XKR5: variants seen among roughly 807,000 people sequenced by gnomAD.
XKR5 encodes XK-related protein 5.
XKR5 carries 46 observed loss-of-function variants against 40.8 expected under a neutral mutation model. That is an observed-to-expected ratio of 1.13 (90% confidence interval 0.89 to 1.44). The LOEUF is 1.44. XKR5 is among the 40% of genes most tolerant of loss of function. The probability of loss-of-function intolerance (pLI) is 0.00; values close to 1 mark genes in which losing one functional copy is unlikely to be tolerated. For missense variants in XKR5, 1,169 were observed against 844.7 expected (o/e 1.38, Z -4.76); for synonymous variants, 466 against 356.1 (o/e 1.31, Z -3.48).
chr8:6,811,687 C>T lies in XKR5; in HGVS notation c.1572G>A (p.Gly524=), dbSNP rs1322028542. 3 of 1,537,760 alleles carry T rather than the reference C, an allele frequency of 2.0e-6. No individual in the cohort carries two copies. Among genetic ancestry groups the T allele is most frequent in the Non-Finnish European group, 1.7e-6 (2 of 1,147,062 alleles). The change falls in exon 7 of 7, where the codon GGG becomes GGA. Residue 524 remains glycine (G), a synonymous_variant. Coordinates refer to ENST00000618742, the MANE Select transcript of XKR5 (RefSeq NM_207411.5). ...EGADAVSGTQ[G]KGTGGQQRGG... ...CTCTCTGCTGCCCACCTGTCCCCTT[C>T]CCCTGTGTCCCAGAAACAGCGTCAG...
At chr8:6,833,083 C>G (rs1444035797) in intron 1 of XKR5, among the ~76,000 whole-genome samples, 183 bp from the exon 2 acceptor site, 2 of 152,208 alleles carry the variant, frequency 1.3e-5, no homozygotes, top group Non-Finnish European at 2.9e-5. Context: ...AAGGGCCCAG[C>G]CAGGAGCTTG....
At chr8:6,820,268 C>G (rs561247790) in intron 5 of XKR5, among the ~76,000 whole-genome samples, 1 of 152,340 alleles carries the variant, frequency 6.6e-6, no homozygotes, top group African/African-American at 2.4e-5. Context: ...ACACTCGTGC[C>G]ACTGTGGTAG....
In XKR5 at chr8:6,811,785, T is replaced by TG; in HGVS notation, c.1473dup (p.Ser492GlnfsTer6). On this transcript the variant is annotated frameshift_variant, in exon 7 of 7. Coordinates refer to ENST00000618742, the MANE Select transcript of XKR5 (RefSeq NM_207411.5). LOFTEE classifies it low-confidence loss of function (END_TRUNC). ...GTAGGTGCTTCATCCTGCTGATCGC[T>TG]GGCAAAAGATACGTAACTTGAGGTT... The TG allele has an allele frequency of 6.5e-7, 1 of 1,537,676 alleles. No homozygotes were observed. Among genetic ancestry groups the TG allele is most frequent in the South Asian group, 1.2e-5 (1 of 84,058 alleles).
chr8:6,817,905 C>T (rs1376576217), intron 5 of XKR5, among the ~76,000 whole-genome samples: 2 of 152,184 alleles, frequency 1.3e-5, no homozygotes, highest in African/African-American at 2.4e-5. Flanking sequence ...AAGTGACAAG[C>T]GCCAATGAAC....
At position 6,825,150 on chromosome 8, in the gene XKR5, G is replaced by C. The variant is rs755307494; in HGVS notation, c.427+15C>G. 12 of 1,613,162 alleles carry C rather than the reference G, an allele frequency of 7.4e-6. No homozygotes were observed. The African/African-American group carries it at 1.5e-4, about 20-fold the overall frequency. ...GCAGTCAGACAGTCTGTGCTCTGTG[G>C]TGACAGTTACTCACCTGGCACAATA... On this transcript the variant is annotated intron_variant, in intron 3 of 6. Coordinates refer to ENST00000618742, the MANE Select transcript of XKR5 (RefSeq NM_207411.5).
intron 6 of XKR5, 105 bp from the exon 7 acceptor site, chr8:6,812,444 T>C: frequency 2.4e-6 from 3 of 1,248,680 alleles, no homozygotes; most frequent in South Asian, 3.3e-5. Flanking sequence ...GGAAGATAAT[T>C]TGGGATCCAA....
chr8:6,822,119 G>C, intron 4 of XKR5, 81 bp from the exon 5 acceptor site: 10 of 1,413,482 alleles, frequency 7.1e-6, no homozygotes, highest in Non-Finnish European at 9.4e-6. Context: ...CCAGGGGCTG[G>C]AAGGCTCTCC....
rs1485656336 is a variant in XKR5, at chr8:6,811,292, T to C, written c.1967A>G (p.Glu656Gly). ...VSLPQLRTAH[E>G]PCLTSTPKSE... The stretch of plus-strand genomic sequence containing the variant: ...CTTAGGGGTGGACGTGAGGCAGGGC[T>C]CATGGGCAGTCCTCAGCTGTGGCAA... Residue 656 changes from glutamate (E) to glycine (G), a missense_variant, in exon 7 of 7, where the codon GAG becomes GGG. Coordinates refer to ENST00000618742, the MANE Select transcript of XKR5 (RefSeq NM_207411.5). The C allele has an allele frequency of 6.5e-7, 1 of 1,537,310 alleles. No homozygotes were observed. Among genetic ancestry groups the C allele is most frequent in the East Asian group, 2.4e-5 (1 of 40,912 alleles).
At chr8:6,821,799 A>C (rs529476285) in intron 5 of XKR5, 70 bp downstream of exon 5, 97 of 1,414,686 alleles carry the variant, frequency 6.9e-5, no homozygotes, top group East Asian at 2.4e-4. Flanking sequence ...CACACCCCCC[A>C]CACACACCCA....
Position 6,812,192 on chromosome 8 carries a change from T to C in XKR5, c.1067A>G (p.Lys356Arg). The C allele has an allele frequency of 6.4e-7, 1 of 1,551,796 alleles. No homozygotes were observed. The part of the protein sequence containing the change: ...DSPRATDLAG[K>R]RTESSGSCQG... ...GCATGAGCCTGAGCTCTCGGTTCTC[T>C]TCCCAGCTAGATCTGTGGCCCGGGG... The change falls in exon 7 of 7, where the codon AAG becomes AGG. Residue 356 changes from lysine to arginine, a missense_variant. Physicochemically the swap from Lys to Arg is conservative, Grantham distance 26 (BLOSUM62 2). Transcript: ENST00000618742.
At chr8:6,829,486 T>C (rs1804662204) in intron 2 of XKR5, among the ~76,000 whole-genome samples, 1 of 152,188 alleles carries the variant, frequency 6.6e-6, no homozygotes, top group South Asian at 2.1e-4. Flanking sequence ...TTAAAAAGAA[T>C]ACACTTATGG....
intron 1 of XKR5, among the ~76,000 whole-genome samples, chr8:6,833,740 A>G (rs980578275): frequency 1.3e-5 from 2 of 152,058 alleles, no homozygotes; most frequent in African/African-American, 2.4e-5. Flanking sequence ...ACAGTAACCA[A>G]CCAACACAGT....
intron 2 of XKR5, among the ~76,000 whole-genome samples, chr8:6,830,320 G>T (rs997682724): frequency 6.6e-6 from 1 of 152,148 alleles, no homozygotes; most frequent in African/African-American, 2.4e-5. Flanking sequence ...TGGAAAGCTG[G>T]ATTGCCTCAC....
chr8:6,818,872 C>T (rs907379427), intron 5 of XKR5, among the ~76,000 whole-genome samples: 7 of 152,108 alleles, frequency 4.6e-5, no homozygotes, highest in Non-Finnish European at 1.0e-4. Flanking sequence ...TGGTTAAAGG[C>T]CCTACGAAAA....
In XKR5 at chr8:6,809,762, C is replaced by T. The variant is rs1212679094; in HGVS notation, c.*1436G>A. On this transcript the variant is annotated 3_prime_UTR_variant, in exon 7 of 7. Coordinates refer to ENST00000618742, the MANE Select transcript of XKR5 (RefSeq NM_207411.5). ...GCTGAGCTAAGTTATTCTACTATTC[C>T]TTTTTAGAGCTCTAATATTGTACCC... is the stretch of plus-strand genomic sequence containing the variant. The T allele has an allele frequency of 2.6e-5, 4 of 152,204 alleles. No homozygotes were observed. The highest frequency in any genetic ancestry group is 5.9e-5 in the Non-Finnish European group (4 of 68,052). The allele number at this position is 152,204 out of a possible 1,614,324, so 9.4% of individuals were successfully genotyped here.
At chr8:6,820,643 G>A (rs992926031) in intron 5 of XKR5, among the ~76,000 whole-genome samples, 5 of 152,178 alleles carry the variant, frequency 3.3e-5, no homozygotes, top group African/African-American at 1.2e-4. Flanking sequence ...TGCATGACCT[G>A]GGCCCTGCCA....
In XKR5 at chr8:6,825,371, G is replaced by T. The variant is rs368742099; in HGVS notation, c.243-22C>A. ...GTGCCTAGGGAACAGCAGAGGGCACGTGACACGGAGCCAGGCTGTGGCGAG... is the reference window on the plus strand; with the variant it reads ...GTGCCTAGGGAACAGCAGAGGGCACTTGACACGGAGCCAGGCTGTGGCGAG... On this transcript the variant is annotated intron_variant, in intron 2 of 6. Coordinates refer to ENST00000618742, the MANE Select transcript of XKR5 (RefSeq NM_207411.5). The T allele has an allele frequency of 5.3e-6, 8 of 1,504,842 alleles. No individual in the cohort carries two copies. In the South Asian group the frequency reaches 1.1e-4, roughly 20 times the overall value. The allele number at this position is 1,504,842 out of a possible 1,614,324, so 93.2% of individuals were successfully genotyped here.
Position 6,811,189 on chromosome 8 carries a change from T to C in XKR5, c.*9A>G. 3 of 1,530,882 alleles carry C rather than the reference T, an allele frequency of 2.0e-6. No homozygotes were observed. The highest frequency in any genetic ancestry group is 2.6e-6 in the Non-Finnish European group (3 of 1,142,588). The allele number at this position is 1,530,882 out of a possible 1,614,324, so 94.8% of individuals were successfully genotyped here. A position where few individuals can be genotyped will look rare whatever the true frequency, so the allele number is the denominator to read the frequency against. On this transcript the variant is annotated 3_prime_UTR_variant, in exon 7 of 7. Coordinates refer to ENST00000618742, the MANE Select transcript of XKR5 (RefSeq NM_207411.5). ...GTCAGCCTGTTGTCTTATCCCACCA[T>C]GACTGTGGTCAGATGAAAAAACTCG...
At chr8:6,823,787 T>G (rs1804346606) in intron 3 of XKR5, 57 bp from the exon 4 acceptor site, 7 of 1,401,322 alleles carry the variant, frequency 5.0e-6, no homozygotes, top group Non-Finnish European at 6.9e-6. Context: ...TAACAGTACC[T>G]TGTGAAGATT....
Sources: allele counts gnomAD v4.1 joint callset (sites outside exome capture counted in the v4.1 genomes callset), GRCh38; gene constraint gnomAD v4.1.1; transcripts MANE v1.5; gene names NCBI Gene and HGNC (gene_info 2026-07-23, HGNC 2026-07-21).